ARHGAP31: variants seen among roughly 807,000 people sequenced by gnomAD.
ARHGAP31 encodes rho GTPase-activating protein 31.
ARHGAP31 carries 34 observed loss-of-function variants against 113.9 expected under a neutral mutation model. That is an observed-to-expected ratio of 0.30 (90% confidence interval 0.23 to 0.40). The LOEUF (loss-of-function observed/expected upper bound fraction) is 0.40. Ranked by LOEUF, ARHGAP31 falls within the 10% of genes least tolerant of loss-of-function variation. ARHGAP31 has a pLI of 1.00. For synonymous variants in ARHGAP31, 650 were observed against 684.8 expected (o/e 0.95, Z 0.79); for missense variants, 1,548 against 1,767.1 (o/e 0.88, Z 2.22).
rs1324517108 is a variant in ARHGAP31 at position 119,415,677 on chromosome 3, G to T, written c.3748G>T (p.Asp1250Tyr). The change falls in exon 12 of 12, where the codon GAT becomes TAT. Residue 1250 changes from aspartate (D) to tyrosine (Y), a missense_variant. Transcript: ENST00000264245. ...SGTTQKPAKD[D>Y]SPSSLESSKE... ...GACCACTCAGAAACCTGCCAAAGATGATTCTCCCTCCTCCCTGGAAAGCTC... is the reference window on the plus strand; with the variant it reads ...GACCACTCAGAAACCTGCCAAAGATTATTCTCCCTCCTCCCTGGAAAGCTC... 1.2e-6 allele frequency: 2 copies of T among 1,614,052 alleles called. No individual in the cohort carries two copies. Among genetic ancestry groups the T allele is most frequent in the Non-Finnish European group, 8.5e-7 (1 of 1,179,998 alleles).
chr3:119,383,028 C>T, intron 5 of ARHGAP31, 56 bp from the exon 6 acceptor site: 1 of 1,607,026 alleles, frequency 6.2e-7, no homozygotes, highest in East Asian at 2.2e-5. Context: ...GCTCCTCTTG[C>T]TGCTTCAGGT....
chr3:119,343,144 C>T (rs2080024368), intron 1 of ARHGAP31, among the ~76,000 whole-genome samples: 1 of 152,130 alleles, frequency 6.6e-6, no homozygotes, highest in Non-Finnish European at 1.5e-5. Context: ...TAGAATGACA[C>T]ATTCATTTGT....
chr3:119,416,315 T>C lies in ARHGAP31; in HGVS notation c.*51T>C, dbSNP rs1226792749. ...AAAAAACCGTGATTCATCTGGAAGT[T>C]ATTACAGGGCCAGCTTGCCATATTC... On this transcript the variant is annotated 3_prime_UTR_variant, in exon 12 of 12. Transcript: ENST00000264245. The C allele has an allele frequency of 1.2e-6, 2 of 1,606,296 alleles. No homozygotes were observed. The highest frequency in any genetic ancestry group is 2.2e-5 in the East Asian group (1 of 44,870).
intron 1 of ARHGAP31, among the ~76,000 whole-genome samples, chr3:119,302,566 C>T (rs2079593787): frequency 6.6e-6 from 1 of 152,210 alleles, no homozygotes. Flanking sequence ...TGATTGCTTA[C>T]TCTGTGCCAG....
chr3:119,334,781 C>T (rs557374074), intron 1 of ARHGAP31, among the ~76,000 whole-genome samples: 9 of 152,302 alleles, frequency 5.9e-5, no homozygotes, highest in African/African-American at 2.2e-4. Flanking sequence ...TCATTTAATT[C>T]TTACAATAAT....
At chr3:119,379,863 C>G (rs1426384084) in intron 3 of ARHGAP31, among the ~76,000 whole-genome samples, 1 of 152,142 alleles carries the variant, frequency 6.6e-6, no homozygotes, top group South Asian at 2.1e-4. Context: ...TACCATGGAC[C>G]TCAGGTTCAG....
At position 119,402,393 on chromosome 3, in the gene ARHGAP31, T is replaced by G. The variant is rs1362192145; in HGVS notation, c.1641T>G (p.Ser547=). The change falls in exon 10 of 12, where the codon TCT becomes TCG. Residue 547 remains serine (S), a synonymous_variant. Transcript: ENST00000264245. Reference sequence around the variant, plus strand: ...AGAAACCGCTGGGAGCTGAGACTTCTGCAGGTAAGTAGAGGAGAGAGGGTA... The same window carrying G: ...AGAAACCGCTGGGAGCTGAGACTTCGGCAGGTAAGTAGAGGAGAGAGGGTA... ...EEEKPLGAET[S]AASVPKKAGL... 9 of 1,612,836 alleles carry G rather than the reference T, an allele frequency of 5.6e-6. No individual in the cohort carries two copies. In the Admixed American group the frequency reaches 1.3e-4, roughly 24 times the overall value.
At chr3:119,384,315 T>C (rs531642720) in intron 6 of ARHGAP31, among the ~76,000 whole-genome samples, 54 of 152,376 alleles carry the variant, frequency 3.5e-4, no homozygotes, top group Non-Finnish European at 6.5e-4. Context: ...ATGTGTAAAA[T>C]GGTTCTTAAT....
chr3:119,332,635 TCA>T (rs71156743), intron 1 of ARHGAP31, among the ~76,000 whole-genome samples: 914 of 85,624 alleles, frequency 0.011, 6 homozygotes, highest in South Asian at 0.021. Flanking sequence ...TCTCTCTCTC[TCA>T]CACACACACA....
chr3:119,319,974 A>T (rs1188854659), intron 1 of ARHGAP31, among the ~76,000 whole-genome samples: 1 of 152,134 alleles, frequency 6.6e-6, no homozygotes, highest in African/African-American at 2.4e-5. Context: ...AACTGGAATG[A>T]CCCAAGATTT....
At chr3:119,361,426 GTCTGGAGT>G (rs891840789) in intron 1 of ARHGAP31, among the ~76,000 whole-genome samples, 1 of 144,466 alleles carries the variant, frequency 6.9e-6, no homozygotes, top group African/African-American at 2.6e-5. Context: ...TTGTCGCCCA[GTCTGGAGT>G]TCAGTGGTGC....
Position 119,294,521 on chromosome 3 carries a change from T to C in ARHGAP31, c.-384T>C. 2.2e-6 allele frequency: 1 copy of C among 452,812 alleles called. No individual in the cohort carries two copies. The highest frequency in any genetic ancestry group is 3.8e-6 in the Non-Finnish European group (1 of 263,058). 28.0% of individuals were successfully genotyped at this position (452,812 alleles called of 1,614,324 possible). ...GTCTCCTCGCCCCGCGTCCGCGTCG[T>C]CTCCGGGGCACTTAGTAAGGGGTGG... On this transcript the variant is annotated 5_prime_UTR_variant, in exon 1 of 12. Transcript: ENST00000264245.
intron 3 of ARHGAP31, among the ~76,000 whole-genome samples, chr3:119,371,718 G>A (rs1204072322): frequency 6.6e-6 from 1 of 152,064 alleles, no homozygotes; most frequent in African/African-American, 2.4e-5. Flanking sequence ...CTTGTGTCAC[G>A]GGGGTTTGTT....
chr3:119,318,964 C>CA (rs569295010), intron 1 of ARHGAP31, among the ~76,000 whole-genome samples: 262 of 151,238 alleles, frequency 1.7e-3, no homozygotes, highest in African/African-American at 4.0e-3. Flanking sequence ...TCCAAAAAAA[C>CA]AAAAAAAATG....
intron 6 of ARHGAP31, among the ~76,000 whole-genome samples, chr3:119,387,075 G>A (rs2080458057): frequency 6.6e-6 from 1 of 151,658 alleles, no homozygotes; most frequent in Non-Finnish European, 1.5e-5. Flanking sequence ...AGGTGGAGGA[G>A]CAGGGTCTTC....
Position 119,402,213 on chromosome 3 carries a change from C to G in ARHGAP31, c.1461C>G (p.Ser487=), listed in dbSNP as rs767040102. The change falls in exon 10 of 12, where the codon TCC becomes TCG. Residue 487 remains serine (S), a synonymous_variant. Transcript: ENST00000264245. ...ACCAGCGCAAGGCGCTGAACATCTC[C>G]GAGCCCTTTGCGGTATCTGTGCCGC... ...PRNQRKALNI[S]EPFAVSVPLR... The G allele has an allele frequency of 1.4e-5, 23 of 1,614,164 alleles. No individual in the cohort carries two copies. The highest frequency in any genetic ancestry group is 1.8e-5 in the Non-Finnish European group (21 of 1,180,064).
intron 1 of ARHGAP31, among the ~76,000 whole-genome samples, chr3:119,315,784 A>C (rs1213852120): frequency 6.6e-6 from 1 of 152,238 alleles, no homozygotes; most frequent in Non-Finnish European, 1.5e-5. Context: ...AGGCTTGCAC[A>C]ATACAGAGAA....
In ARHGAP31 at chr3:119,416,428, C is replaced by A; in HGVS notation, c.*164C>A. 1.0e-6 allele frequency: 1 copy of A among 993,236 alleles called. No homozygotes were observed. The highest frequency in any genetic ancestry group is 1.5e-6 in the Non-Finnish European group (1 of 665,966). The allele number at this position is 993,236 out of a possible 1,614,324, so 61.5% of individuals were successfully genotyped here. On this transcript the variant is annotated 3_prime_UTR_variant, in exon 12 of 12. Transcript: ENST00000264245. Reference sequence around the variant, plus strand: ...GACCACTTATTAATTAGTCCATTTGCTAGAAGAGTGGTCAAGGGAAAAACG... The same window carrying A: ...GACCACTTATTAATTAGTCCATTTGATAGAAGAGTGGTCAAGGGAAAAACG...
chr3:119,386,650 G>A (rs1053142274), intron 6 of ARHGAP31, among the ~76,000 whole-genome samples: 2 of 152,160 alleles, frequency 1.3e-5, no homozygotes, highest in African/African-American at 2.4e-5. Flanking sequence ...AGTTGGGCCC[G>A]GGGGACCACT....
Sources: allele counts gnomAD v4.1 joint callset (sites outside exome capture counted in the v4.1 genomes callset), GRCh38; gene constraint gnomAD v4.1.1; transcripts MANE v1.5; gene names NCBI Gene and HGNC (gene_info 2026-07-23, HGNC 2026-07-21).